FBXW7: variants seen among roughly 807,000 people sequenced by gnomAD.
The protein encoded by FBXW7 is F-box/WD repeat-containing protein 7.
In FBXW7, 11 loss-of-function variants were observed where a neutral mutation model predicts 86.3. That is an observed-to-expected ratio of 0.13 (90% CI 0.08 to 0.21). The LOEUF (loss-of-function observed/expected upper bound fraction) is 0.21. FBXW7 is among the 10% of genes least tolerant of loss of function. The probability of loss-of-function intolerance (pLI) is 1.00; values close to 1 mark genes in which losing one functional copy is unlikely to be tolerated. For synonymous variants in FBXW7, 313 were observed against 297.9 expected, an observed-to-expected ratio of 1.05 and a Z score of -0.52; for missense variants, 488 against 847.4, an observed-to-expected ratio of 0.58 and a Z score of 5.27.
intron 2 of FBXW7, among the ~76,000 whole-genome samples, chr4:152,491,702 C>G (rs1745878045): frequency 6.6e-6 from 1 of 152,058 alleles, no homozygotes; most frequent in South Asian, 2.1e-4. Context: ...GTCTTCGTAA[C>G]TTTGATTTAA....
chr4:152,502,349 T>C (rs556932399), intron 2 of FBXW7, among the ~76,000 whole-genome samples: 22 of 152,316 alleles, frequency 1.4e-4, no homozygotes, highest in African/African-American at 5.1e-4. Flanking sequence ...CATCTCAGGA[T>C]ACAGTGAGTC....
intron 2 of FBXW7, among the ~76,000 whole-genome samples, chr4:152,417,610 C>T (rs1299477797): frequency 6.6e-6 from 1 of 152,010 alleles, no homozygotes; most frequent in African/African-American, 2.4e-5. Flanking sequence ...AAGAAGCCCC[C>T]GTAGGTCAAA....
Position 152,411,559 on chromosome 4 carries a change from T to C in FBXW7, c.245A>G (p.Asn82Ser). The change falls in exon 4 of 14, where the codon AAT becomes AGT. Residue 82 changes from asparagine to serine, a missense_variant. Asn to Ser is a conservative substitution (Grantham distance 46). This residue lies in a region of FBXW7 where 230 missense variants were observed against 240.0 expected (regional missense o/e 0.96). Transcript: ENST00000281708. ...GTCCTCATCTACCGAAATAAATCTA[T>C]TATTGTTTTCTTCCAACTGTCCTTG... Reference protein sequence around the residue: ...SQQGQLEENNNRFISVDEDSS... With the variant: ...SQQGQLEENNSRFISVDEDSS... 6.2e-7 allele frequency: 1 copy of C among 1,614,008 alleles called. No individual in the cohort carries two copies. The highest frequency in any genetic ancestry group is 8.5e-7 in the Non-Finnish European group (1 of 1,179,950).
At chr4:152,461,437 TTA>T (rs1560926745) in intron 2 of FBXW7, among the ~76,000 whole-genome samples, 1 of 152,198 alleles carries the variant, frequency 6.6e-6, no homozygotes, top group Non-Finnish European at 1.5e-5. Context: ...GTAAATTTTA[TTA>T]TGTTTTTTCC....
intron 6 of FBXW7, among the ~76,000 whole-genome samples, chr4:152,342,359 G>T (rs1453615458): frequency 6.6e-6 from 1 of 152,208 alleles, no homozygotes; most frequent in Non-Finnish European, 1.5e-5. Context: ...CCTACACAGT[G>T]AGAGGCTTGG....
In FBXW7 at chr4:152,352,121, C is replaced by A. The variant is rs543142620; in HGVS notation, c.502-1997G>T. Among the ~76,000 whole-genome samples, 6 of 152,060 alleles carry A rather than the reference C, an allele frequency of 3.9e-5. No homozygotes were observed. The East Asian group carries it at 1.2e-3, about 29-fold the overall frequency. ...GAGTCAACTAATGAAAAAAGAAAAA[C>A]TGTATACAAGGTATAGAAAAATTGA... On this transcript the variant is annotated intron_variant, in intron 4 of 13. Coordinates refer to ENST00000281708, the MANE Select transcript of FBXW7 (RefSeq NM_001349798.2).
chr4:152,438,085 A>G (rs1215379115), intron 2 of FBXW7, among the ~76,000 whole-genome samples: 1 of 152,104 alleles, frequency 6.6e-6, no homozygotes, highest in Non-Finnish European at 1.5e-5. Context: ...GAGGCAAGAG[A>G]ATCGCTTGAA....
At chr4:152,344,604 G>T (rs1436294568) in intron 6 of FBXW7, among the ~76,000 whole-genome samples, 1 of 150,538 alleles carries the variant, frequency 6.6e-6, no homozygotes, top group Non-Finnish European at 1.5e-5. Context: ...TCTCAGATTT[G>T]ATGAAATACA....
Position 152,411,767 on chromosome 4 carries a change from G to A in FBXW7, c.37C>T (p.Arg13Ter), listed in dbSNP as rs781123562. 1.2e-6 allele frequency: 2 copies of A among 1,612,920 alleles called. No individual in the cohort carries two copies. Among genetic ancestry groups the A allele is most frequent in the Non-Finnish European group, 8.5e-7 (1 of 1,179,452 alleles). The change falls in exon 4 of 14, where the codon CGA becomes TGA. Residue 13 changes from arginine (R) to a stop codon, truncating the protein, a stop_gained. Coordinates refer to ENST00000281708, the MANE Select transcript of FBXW7 (RefSeq NM_001349798.2). LOFTEE classifies it high-confidence loss of function. Reference protein sequence around the residue: ...QELLSVGSKRRRTGGSLRGNP... With the variant: ...QELLSVGSKR ...CCTCTCAGAGAGCCTCCAGTTCGTCGTCTTTTGCTGCCCACAGAGAGCAGT... is the reference window on the plus strand; with the variant it reads ...CCTCTCAGAGAGCCTCCAGTTCGTCATCTTTTGCTGCCCACAGAGAGCAGT...
intron 2 of FBXW7, among the ~76,000 whole-genome samples, chr4:152,419,494 AACACACACACACACACAC>A (rs57894523): frequency 2.2e-4 from 27 of 123,344 alleles, no homozygotes; most frequent in African/African-American, 4.5e-4. Context: ...GGATAAGGTA[AACACACACACACACACAC>A]ACACACACAC....
At chr4:152,367,178 T>C (rs574268832) in intron 4 of FBXW7, among the ~76,000 whole-genome samples, 372 of 152,166 alleles carry the variant, frequency 2.4e-3, no homozygotes, top group Non-Finnish European at 4.1e-3. Flanking sequence ...CTAATGTAAA[T>C]GACAAGTTAA....
At chr4:152,395,218 T>G (rs1335596949) in intron 4 of FBXW7, among the ~76,000 whole-genome samples, 2 of 152,066 alleles carry the variant, frequency 1.3e-5, no homozygotes, top group Non-Finnish European at 2.9e-5. Context: ...CCCTGGAGTT[T>G]AGTTAAGTAG....
chr4:152,381,959 C>G (rs556183782), intron 4 of FBXW7, among the ~76,000 whole-genome samples: 1 of 152,178 alleles, frequency 6.6e-6, no homozygotes, highest in South Asian at 2.1e-4. Flanking sequence ...CTGCAGGATT[C>G]TAATTTCATG....
chr4:152,523,548 A>G (rs1459988484), intron 2 of FBXW7, among the ~76,000 whole-genome samples: 3 of 152,150 alleles, frequency 2.0e-5, no homozygotes, highest in African/African-American at 7.2e-5. Context: ...TTGGGGACTG[A>G]AAGTTTTGAG....
intron 2 of FBXW7, among the ~76,000 whole-genome samples, chr4:152,515,214 A>C (rs1748366104): frequency 6.6e-6 from 1 of 152,222 alleles, no homozygotes; most frequent in Non-Finnish European, 1.5e-5. Flanking sequence ...AGAAAATATA[A>C]AAATTAAAAA....
chr4:152,343,705 G>C (rs958083708), intron 6 of FBXW7, among the ~76,000 whole-genome samples: 1 of 152,010 alleles, frequency 6.6e-6, no homozygotes, highest in Non-Finnish European at 1.5e-5. Context: ...GCACCTGAAT[G>C]ATATAAACAA....
At chr4:152,507,449 T>G (rs1399188518) in intron 2 of FBXW7, among the ~76,000 whole-genome samples, 1 of 152,262 alleles carries the variant, frequency 6.6e-6, no homozygotes, top group Non-Finnish European at 1.5e-5. Context: ...ATGTAACTTG[T>G]GAAGAAATCC....
intron 2 of FBXW7, among the ~76,000 whole-genome samples, chr4:152,496,995 T>A (rs1039052386): frequency 6.6e-5 from 10 of 152,180 alleles, no homozygotes; most frequent in African/African-American, 2.4e-4. Flanking sequence ...AATGAACTCA[T>A]GTAGTAAATC....
At chr4:152,432,947 T>C (rs2126955390) in intron 2 of FBXW7, among the ~76,000 whole-genome samples, 1 of 152,360 alleles carries the variant, frequency 6.6e-6, no homozygotes, top group Admixed American at 6.5e-5. Flanking sequence ...TTTGTGGATT[T>C]TGAAACATCA....
Sources: allele counts gnomAD v4.1 joint callset (sites outside exome capture counted in the v4.1 genomes callset), GRCh38; gene constraint gnomAD v4.1.1; regional missense constraint gnomAD v4.1.1; transcripts MANE v1.5; gene names NCBI Gene and HGNC (gene_info 2026-07-23, HGNC 2026-07-21).